PIP5K1C: variants seen among roughly 807,000 people sequenced by gnomAD.
PIP5K1C encodes the protein phosphatidylinositol-4-phosphate 5-kinase type 1 gamma.
PIP5K1C carries 45 observed loss-of-function variants against 80.1 expected under a neutral mutation model. The observed-to-expected ratio is 0.56, with a 90% CI of 0.44 to 0.72. The LOEUF (loss-of-function observed/expected upper bound fraction) is 0.72, where lower values mean the gene tolerates loss of function less well. Among genes scored for constraint, PIP5K1C ranks in the 30% least tolerant of loss-of-function variants. PIP5K1C has a pLI of 0.00. For missense variants in PIP5K1C, 753 were observed against 954.6 expected (o/e 0.79, Z 2.78); for synonymous variants, 498 against 420.1 (o/e 1.19, Z -2.27).
At chr19:3,662,867 GTTA>G (rs1406440639) in intron 3 of PIP5K1C, among the ~76,000 whole-genome samples, 1 of 148,126 alleles carries the variant, frequency 6.8e-6, no homozygotes, top group East Asian at 2.0e-4. Flanking sequence ...CGCCGGCCCC[GTTA>G]TTATTTTTTG....
In PIP5K1C at chr19:3,696,021, G is replaced by A. The variant is rs913200538; in HGVS notation, c.94+4276C>T. On this transcript the variant is annotated intron_variant, in intron 1 of 17. Coordinates refer to ENST00000335312, the MANE Select transcript of PIP5K1C (RefSeq NM_012398.3). The surrounding 1 kb of genome is among the most constrained non-coding windows in gnomAD (Gnocchi z 4.1). ...GCTGGGATTACAGGTGTGAGCCACCGTGCCCGGCCTCCCTGACCTTTTTAC... is the reference window on the plus strand; with the variant it reads ...GCTGGGATTACAGGTGTGAGCCACCATGCCCGGCCTCCCTGACCTTTTTAC... Among the ~76,000 whole-genome samples, 14 of 152,208 alleles carry A rather than the reference G, an allele frequency of 9.2e-5. No individual in the cohort carries two copies. Among genetic ancestry groups the A allele is most frequent in the African/African-American group, 1.2e-4 (5 of 41,516 alleles).
chr19:3,633,415 G>A, intron 17 of PIP5K1C, 22 bp downstream of exon 17: 1 of 1,438,742 alleles, frequency 7.0e-7, no homozygotes. Flanking sequence ...GGGACCGGCG[G>A]GTGCACCTGG....
intron 10 of PIP5K1C, among the ~76,000 whole-genome samples, 193 bp downstream of exon 10, chr19:3,647,145 G>A (rs2034258532): frequency 1.6e-5 from 2 of 125,940 alleles, no homozygotes; most frequent in African/African-American, 3.2e-5. Flanking sequence ...GGAGGGATGG[G>A]AGGAGGGTGC....
At chr19:3,643,718 C>T (rs1030320752) in intron 12 of PIP5K1C, among the ~76,000 whole-genome samples, 1 of 146,856 alleles carries the variant, frequency 6.8e-6, no homozygotes, top group Non-Finnish European at 1.5e-5. Flanking sequence ...GCCACACGGG[C>T]TCCTTGCTGT....
At position 3,697,240 on chromosome 19, in the gene PIP5K1C, T is replaced by C. The variant is rs891322910; in HGVS notation, c.94+3057A>G. Among the ~76,000 whole-genome samples, 7 of 145,142 alleles carry C rather than the reference T, an allele frequency of 4.8e-5. No individual in the cohort carries two copies. The South Asian group carries it at 1.3e-3, about 27-fold the overall frequency. On this transcript the variant is annotated intron_variant, in intron 1 of 17. Transcript: ENST00000335312. ...TAAGCTGGACCGGGGAGGACCGAGC[T>C]GGACCCGGGAGGACCGAGCCAGATG...
At chr19:3,684,856 T>C (rs2035704352) in intron 1 of PIP5K1C, among the ~76,000 whole-genome samples, 1 of 152,176 alleles carries the variant, frequency 6.6e-6, no homozygotes. Flanking sequence ...AAGCTCTTAG[T>C]GCCACATGGC....
intron 5 of PIP5K1C, among the ~76,000 whole-genome samples, chr19:3,660,029 G>A (rs950515442): frequency 1.3e-5 from 2 of 152,174 alleles, no homozygotes; most frequent in Non-Finnish European, 2.9e-5. Flanking sequence ...AAGGCCACCC[G>A]GAGCTTTTAG....
intron 1 of PIP5K1C, among the ~76,000 whole-genome samples, chr19:3,668,957 G>A (rs932758276): frequency 3.9e-5 from 6 of 152,214 alleles, no homozygotes; most frequent in African/African-American, 1.2e-4. Flanking sequence ...GGTACCGAAG[G>A]GGAGTGCCTC....
chr19:3,693,212 G>A (rs1047570778), intron 1 of PIP5K1C, among the ~76,000 whole-genome samples: 11 of 152,096 alleles, frequency 7.2e-5, no homozygotes, highest in African/African-American at 1.7e-4. Flanking sequence ...CCCCACTCCC[G>A]GAAACCTTCA....
At chr19:3,679,504 T>C (rs2035519961) in intron 1 of PIP5K1C, among the ~76,000 whole-genome samples, 2 of 152,234 alleles carry the variant, frequency 1.3e-5, no homozygotes, top group Non-Finnish European at 2.9e-5. Flanking sequence ...ATCTTGCTCC[T>C]TCCTGTGGGA....
At chr19:3,659,484 CTG>C (rs1342801236) in intron 5 of PIP5K1C, among the ~76,000 whole-genome samples, 1 of 152,238 alleles carries the variant, frequency 6.6e-6, no homozygotes, top group Admixed American at 6.5e-5. Context: ...GACACGGGTG[CTG>C]TCTCTCTGCT....
intron 16 of PIP5K1C, chr19:3,636,415 G>A (rs1379497099): frequency 2.0e-6 from 2 of 985,318 alleles, no homozygotes; most frequent in Non-Finnish European, 2.4e-6. Flanking sequence ...TGCTGTGCCT[G>A]CTGCCGAGAC....
intron 5 of PIP5K1C, among the ~76,000 whole-genome samples, chr19:3,659,994 CG>C (rs2034777752): frequency 1.3e-5 from 2 of 152,198 alleles, no homozygotes; most frequent in South Asian, 4.1e-4. Flanking sequence ...ACAAAGTTCT[CG>C]GGATGACCAG....
In PIP5K1C at chr19:3,646,428, C is replaced by T. The variant is rs76247736; in HGVS notation, c.1261-370G>A. ...CCTGCTGGGATGTGATCTCGGCCTCCCAGAATGCAACCTCCTTTCCCAGCC... is the reference window on the plus strand; with the variant it reads ...CCTGCTGGGATGTGATCTCGGCCTCTCAGAATGCAACCTCCTTTCCCAGCC... On this transcript the variant is annotated intron_variant, in intron 10 of 17. Transcript: ENST00000335312. 4.9e-3 allele frequency among the ~76,000 whole-genome samples: 751 copies of T among 152,292 alleles called. 7 individuals carry two copies. The highest frequency in any genetic ancestry group is 0.017 in the African/African-American group (696 of 41,562).
At chr19:3,674,239 A>C (rs2035292973) in intron 1 of PIP5K1C, 1 of 152,264 alleles carries the variant, frequency 6.6e-6, no homozygotes. Flanking sequence ...CAGAAGAACC[A>C]CCCAACTGAA....
At chr19:3,661,815 G>T (rs577020695) in intron 4 of PIP5K1C, 56 bp downstream of exon 4, 3 of 1,600,396 alleles carry the variant, frequency 1.9e-6, no homozygotes, top group Non-Finnish European at 1.7e-6. Context: ...AGGCCACTCC[G>T]CCTCAGAGCC....
At chr19:3,677,962 TGGA>T (rs1490505344) in intron 1 of PIP5K1C, among the ~76,000 whole-genome samples, 1 of 47,300 alleles carries the variant, frequency 2.1e-5, no homozygotes, top group African/African-American at 9.0e-5. Context: ...GATGGATGGA[TGGA>T]GGATGGAGGA....
chr19:3,688,084 G>T lies in PIP5K1C; in HGVS notation c.94+12213C>A, dbSNP rs945993484. On this transcript the variant is annotated intron_variant, in intron 1 of 17. Coordinates refer to ENST00000335312, the MANE Select transcript of PIP5K1C (RefSeq NM_012398.3). The surrounding 1 kb of genome is among the most constrained non-coding windows in gnomAD (Gnocchi z 5.3). ...ACAGAGCACACGCCAGCCCCTGGGGGAAGCCCGGCCCGTGCGGGCTGCGGG... is the reference window on the plus strand; with the variant it reads ...ACAGAGCACACGCCAGCCCCTGGGGTAAGCCCGGCCCGTGCGGGCTGCGGG... Among the ~76,000 whole-genome samples the T allele has an allele frequency of 6.6e-6, 1 of 152,160 alleles. No homozygotes were observed. Among genetic ancestry groups the T allele is most frequent in the Admixed American group, 6.5e-5 (1 of 15,292 alleles).
intron 5 of PIP5K1C, among the ~76,000 whole-genome samples, chr19:3,659,560 G>A (rs879526105): frequency 2.6e-5 from 4 of 152,160 alleles, no homozygotes; most frequent in Admixed American, 2.6e-4. Flanking sequence ...GTCACCCGAG[G>A]GCCATTTCTA....
Sources: allele counts gnomAD v4.1 joint callset (sites outside exome capture counted in the v4.1 genomes callset), GRCh38; gene constraint gnomAD v4.1.1; non-coding constraint Gnocchi (gnomAD v3.1); transcripts MANE v1.5; gene names NCBI Gene and HGNC (gene_info 2026-07-23, HGNC 2026-07-21).